Variants in FHL3 observed in about 807,000 individuals in gnomAD.
FHL3 encodes four and a half LIM domains protein 3.
A neutral mutation model predicts 34.3 loss-of-function variants in FHL3; 21 were observed. The observed-to-expected ratio is 0.61, with a 90% CI of 0.43 to 0.88. FHL3 has a LOEUF of 0.88. Ranked by LOEUF, FHL3 falls within the 40% of genes least tolerant of loss-of-function variation. The pLI, the probability that FHL3 is intolerant of heterozygous loss-of-function variation, is 0.00. For synonymous variants in FHL3, 137 were observed against 144.6 expected, an observed-to-expected ratio of 0.95 and a Z score of 0.38; for missense variants, 333 against 373.7, an observed-to-expected ratio of 0.89 and a Z score of 0.90.
chr1:37,998,974 C>T lies in FHL3; in HGVS notation c.331G>A (p.Gly111Arg). The change falls in exon 3 of 6, where the codon GGG becomes AGG. Residue 111 changes from glycine to arginine, a missense_variant and splice_region_variant. Transcript: ENST00000373016. ...CSACGETVMP[G>R]SRKLEYGGQT... ...ACAAGATGAGCCCCTGAACACATAC[C>T]AGGCATGACAGTCTCCCCACAAGCG... is the stretch of plus-strand genomic sequence containing the variant. 6.2e-7 allele frequency: 1 copy of T among 1,613,438 alleles called. No homozygotes were observed. Among genetic ancestry groups the T allele is most frequent in the South Asian group, 1.1e-5 (1 of 91,080 alleles).
intron 3 of FHL3, 30 bp from the exon 4 acceptor site, chr1:37,998,162 T>C (rs1261048178): frequency 6.2e-7 from 1 of 1,608,162 alleles, no homozygotes; most frequent in Admixed American, 1.7e-5. Flanking sequence ...CATTTAGAGG[T>C]TGTGTCCCAT....
In FHL3 at chr1:37,999,317, A is replaced by G. The variant is rs1335310921; in HGVS notation, c.96T>C (p.Tyr32=). Residue 32 remains tyrosine, a synonymous_variant, in exon 2 of 6, where the codon TAT becomes TAC. Coordinates refer to ENST00000373016, the MANE Select transcript of FHL3 (RefSeq NM_004468.5). The stretch of plus-strand genomic sequence containing the variant: ...CACAGGTGTTGGCAAAGGTATTGTC[A>G]TAGCAGGGCACACAGTAGGGGCCGC... ...TDSGPYCVPC[Y]DNTFANTCAE... is the part of the protein sequence containing the mutation. 1.2e-6 allele frequency: 2 copies of G among 1,614,124 alleles called. No individual in the cohort carries two copies. The highest frequency in any genetic ancestry group is 1.7e-5 in the Admixed American group (1 of 60,012).
intron 1 of FHL3, among the ~76,000 whole-genome samples, chr1:38,000,133 C>G (rs1276044269): frequency 4.6e-5 from 7 of 152,240 alleles, no homozygotes; most frequent in Non-Finnish European, 8.8e-5. Flanking sequence ...CCTAGCTAGA[C>G]CCTCTGCCCT....
chr1:37,997,779 T>C lies in FHL3; in HGVS notation c.593A>G (p.Gln198Arg), dbSNP rs774164149. Residue 198 changes from glutamine to arginine, a missense_variant, in exon 5 of 6, where the codon CAG (glutamine) becomes CGG (arginine). By Grantham distance (43) the Gln-to-Arg change is conservative. Transcript: ENST00000373016. This position sits in a 1 kb window ranked among gnomAD's most constrained non-coding sequence, Gnocchi z 4.3. ...ATCTTCATCCCGGGAGGTGAACTGC[T>C]GCCCTGCCAGGGGCGTCTGGCATCC... ...CTGCQTPLAG[Q>R]QFTSRDEDPY... 38 of 1,614,170 alleles carry C rather than the reference T, an allele frequency of 2.4e-5. No homozygotes were observed. Among genetic ancestry groups the C allele is most frequent in the Non-Finnish European group, 3.1e-5 (37 of 1,180,014 alleles).
At chr1:38,004,040 C>T (rs2148732413) in intron 1 of FHL3, among the ~76,000 whole-genome samples, 1 of 152,242 alleles carries the variant, frequency 6.6e-6, no homozygotes, top group African/African-American at 2.4e-5. Context: ...CCTCCCCCAC[C>T]TTCTAGAAGC....
rs1007810116 is a variant in FHL3, at chr1:37,997,255, T to C, written c.*150A>G. On this transcript the variant is annotated 3_prime_UTR_variant, in exon 6 of 6. Coordinates refer to ENST00000373016, the MANE Select transcript of FHL3 (RefSeq NM_004468.5). This position sits in a 1 kb window ranked among gnomAD's most constrained non-coding sequence, Gnocchi z 4.3. ...GGGCCCTGGGTCAGGGAGTACCAGT[T>C]TGGGGATGCTGGAGTGGGGAGACAA... The C allele has an allele frequency of 7.5e-6, 6 of 801,900 alleles. No individual in the cohort carries two copies. Among genetic ancestry groups the C allele is most frequent in the Non-Finnish European group, 1.0e-5 (5 of 499,818 alleles). 49.7% of individuals were successfully genotyped at this position (801,900 alleles called of 1,614,324 possible).
chr1:37,997,911 C>A lies in FHL3; in HGVS notation c.502-41G>T, dbSNP rs1646551682. ...CCATTAGTAGGTATGAGTGGGGATT[C>A]CCACCCCACAACAGGCCTCACTCAC... On this transcript the variant is annotated intron_variant, in intron 4 of 5. Transcript: ENST00000373016. The surrounding 1 kb of genome is among the most constrained non-coding windows in gnomAD (Gnocchi z 4.3). The A allele has an allele frequency of 1.9e-6, 3 of 1,613,698 alleles. No individual in the cohort carries two copies. The highest frequency in any genetic ancestry group is 2.5e-6 in the Non-Finnish European group (3 of 1,179,696).
intron 1 of FHL3, among the ~76,000 whole-genome samples, 178 bp downstream of exon 1, chr1:38,005,179 A>G (rs1029343234): frequency 5.8e-4 from 87 of 151,218 alleles, no homozygotes; most frequent in African/African-American, 1.9e-3. Context: ...GGAGGGGTCC[A>G]GTCCCGGCGG....
At position 37,997,957 on chromosome 1, in the gene FHL3, C is replaced by T; in HGVS notation, c.501+6G>A. ...CTCACCCCCACCTGGCTGGCCCAGC[C>T]CCCACCTTGCTGCAGCGGGCGCAGC... On this transcript the variant is annotated splice_donor_region_variant and intron_variant, in intron 4 of 5. Transcript: ENST00000373016. The surrounding 1 kb of genome is among the most constrained non-coding windows in gnomAD (Gnocchi z 4.3). 1 of 1,614,120 alleles carries T rather than the reference C, an allele frequency of 6.2e-7. No individual in the cohort carries two copies. Among genetic ancestry groups the T allele is most frequent in the Non-Finnish European group, 8.5e-7 (1 of 1,179,994 alleles).
At position 37,997,104 on chromosome 1, in the gene FHL3, C is replaced by A. The variant is rs563888753; in HGVS notation, c.*301G>T. ...GAGTCCAGGTTTGGAGGGCTCGGGT[C>A]TAGAGCCCTGATTTGGGGAGAGGAC... is the stretch of plus-strand genomic sequence containing the variant. On this transcript the variant is annotated 3_prime_UTR_variant, in exon 6 of 6. Transcript: ENST00000373016. The surrounding 1 kb of genome is among the most constrained non-coding windows in gnomAD (Gnocchi z 4.3). 3.8e-5 allele frequency: 13 copies of A among 341,134 alleles called. No individual in the cohort carries two copies. In the East Asian group the frequency reaches 7.1e-4, roughly 19 times the overall value. 21.1% of individuals were successfully genotyped at this position (341,134 alleles called of 1,614,324 possible).
In FHL3 at chr1:37,997,380, A is replaced by G; in HGVS notation, c.*25T>C. 6.3e-7 allele frequency: 1 copy of G among 1,595,676 alleles called. No individual in the cohort carries two copies. The highest frequency in any genetic ancestry group is 8.5e-7 in the Non-Finnish European group (1 of 1,176,944). ...CACAGTCCTGGGCCCGTGGTATGGGAAAGCCTGGGTCCAGGAGCCCTGGCT... is the reference window on the plus strand; with the variant it reads ...CACAGTCCTGGGCCCGTGGTATGGGGAAGCCTGGGTCCAGGAGCCCTGGCT... On this transcript the variant is annotated 3_prime_UTR_variant, in exon 6 of 6. Transcript: ENST00000373016. This position sits in a 1 kb window ranked among gnomAD's most constrained non-coding sequence, Gnocchi z 4.3.
intron 1 of FHL3, among the ~76,000 whole-genome samples, chr1:38,003,771 C>A (rs1646617980): frequency 6.6e-6 from 1 of 152,194 alleles, no homozygotes; most frequent in African/African-American, 2.4e-5. Context: ...GAGCTCTTCC[C>A]TCTCCCTAAA....
In FHL3 at chr1:38,005,377, C is replaced by G. The variant is rs1237867423; in HGVS notation, c.-41G>C. 1 of 149,340 alleles carries G rather than the reference C, an allele frequency of 6.7e-6. No homozygotes were observed. The highest frequency in any genetic ancestry group is 1.5e-5 in the Non-Finnish European group (1 of 66,854). 9.3% of individuals were successfully genotyped at this position (149,340 alleles called of 1,614,324 possible). A position where few individuals can be genotyped will look rare whatever the true frequency, so the allele number is the denominator to read the frequency against. ...CTCACCTCGAAGCGGGCGGCGGGAG[C>G]GGGGAGCGCGCGGCGCAGGCGGGGC... On this transcript the variant is annotated 5_prime_UTR_variant, in exon 1 of 6. Transcript: ENST00000373016.
chr1:38,002,160 G>A (rs896259554), intron 1 of FHL3, among the ~76,000 whole-genome samples: 1 of 151,016 alleles, frequency 6.6e-6, no homozygotes, highest in Non-Finnish European at 1.5e-5. Context: ...GTACAGTGGC[G>A]CAATCTCGGC....
At chr1:38,000,639 T>C (rs1232028990) in intron 1 of FHL3, among the ~76,000 whole-genome samples, 2 of 151,982 alleles carry the variant, frequency 1.3e-5, no homozygotes, top group African/African-American at 4.8e-5. Context: ...TGGGATGAGG[T>C]CATCCACACA....
intron 1 of FHL3, among the ~76,000 whole-genome samples, chr1:38,005,110 AGCCCCCTCCCCCGCCCAACTCTCGCTGCC>A (rs1646630959): frequency 6.6e-6 from 1 of 151,434 alleles, no homozygotes; most frequent in Admixed American, 6.6e-5. Flanking sequence ...TTTCAAACTT[AGCCCCCTCCCCCGCCCAACTCTCGCTGCC>A]GCCCCCGCCC....
chr1:38,004,780 A>T (rs1023588354), intron 1 of FHL3, among the ~76,000 whole-genome samples: 2 of 152,144 alleles, frequency 1.3e-5, no homozygotes, highest in African/African-American at 4.8e-5. Flanking sequence ...CAGAGAGCAG[A>T]TTCAGCATGA....
chr1:38,000,728 C>T (rs753224262), intron 1 of FHL3, among the ~76,000 whole-genome samples: 1 of 152,158 alleles, frequency 6.6e-6, no homozygotes, highest in Admixed American at 6.5e-5. Flanking sequence ...CCCCGGATTC[C>T]AGTCTCTAGC....
chr1:37,997,477 G>C lies in FHL3; in HGVS notation c.771C>G (p.Ser257=). ...NCFSCARCST[S]LVGQGFVPDG... is the part of the protein sequence containing the mutation. ...CCGGTACGAAGCCCTGGCCCACCAG[G>C]GAGGTAGAGCAGCGGGCGCAGGAGA... The change falls in exon 6 of 6, where the codon TCC becomes TCG. Residue 257 remains serine (S), a synonymous_variant. Transcript: ENST00000373016. This position sits in a 1 kb window ranked among gnomAD's most constrained non-coding sequence, Gnocchi z 4.3. 1.2e-6 allele frequency: 2 copies of C among 1,614,062 alleles called. No homozygotes were observed. Among genetic ancestry groups the C allele is most frequent in the Non-Finnish European group, 8.5e-7 (1 of 1,179,978 alleles).
Sources: allele counts gnomAD v4.1 joint callset (sites outside exome capture counted in the v4.1 genomes callset), GRCh38; gene constraint gnomAD v4.1.1; non-coding constraint Gnocchi (gnomAD v3.1); transcripts MANE v1.5; gene names NCBI Gene and HGNC (gene_info 2026-07-23, HGNC 2026-07-21).